The following FBN1 variants were observed in gnomAD, a reference collection of about 807,000 sequenced individuals.
FBN1 encodes fibrillin 1.
A neutral mutation model predicts 365.1 loss-of-function variants in FBN1; 29 were observed. The ratio of observed to expected loss-of-function variants is 0.08; its 90% CI spans 0.06 to 0.11. The LOEUF (loss-of-function observed/expected upper bound fraction) is 0.11. FBN1 is among the 10% of genes least tolerant of loss of function. FBN1 has a pLI of 1.00. For synonymous variants in FBN1, 1,210 were observed against 1,270.5 expected, an observed-to-expected ratio of 0.95 and a Z score of 1.01; for missense variants, 2,476 against 3,703.2, an observed-to-expected ratio of 0.67 and a Z score of 8.60.
At chr15:48,484,711 T>G (rs1239454613) in intron 30 of FBN1, among the ~76,000 whole-genome samples, 1 of 152,158 alleles carries the variant, frequency 6.6e-6, no homozygotes, top group East Asian at 1.9e-4. Flanking sequence ...ATATCTAGAT[T>G]TTTTAAGGGA....
At chr15:48,480,288 A>C (rs1349704954) in intron 32 of FBN1, among the ~76,000 whole-genome samples, 1 of 152,202 alleles carries the variant, frequency 6.6e-6, no homozygotes, top group Non-Finnish European at 1.5e-5. Flanking sequence ...AAAACATAAT[A>C]CAGAACTATC....
intron 63 of FBN1, among the ~76,000 whole-genome samples, chr15:48,418,100 G>C (rs1315633636): frequency 6.6e-6 from 1 of 152,188 alleles, no homozygotes; most frequent in Non-Finnish European, 1.5e-5. Flanking sequence ...AGAAATTAGA[G>C]GGAGGAGAAA....
chr15:48,476,308 A>G (rs2043417570), intron 32 of FBN1, among the ~76,000 whole-genome samples: 1 of 152,148 alleles, frequency 6.6e-6, no homozygotes, highest in Non-Finnish European at 1.5e-5. Flanking sequence ...TTTTGCCTAA[A>G]TTTCTCTCCT....
At chr15:48,640,774 T>C (rs1890184175) in intron 2 of FBN1, among the ~76,000 whole-genome samples, 1 of 152,212 alleles carries the variant, frequency 6.6e-6, no homozygotes, top group African/African-American at 2.4e-5. Flanking sequence ...AAAGGAGATC[T>C]CACTGTGAAG....
In FBN1 at chr15:48,469,510, C is replaced by A. The variant is rs1254146918; in HGVS notation, c.4460-976G>T. On this transcript the variant is annotated intron_variant, in intron 36 of 65. Transcript: ENST00000316623. The stretch of plus-strand genomic sequence containing the variant: ...TTGGCAAATTCCACTCTGTACAATT[C>A]CTTTTGTCTGTTTTGAACACTCATG... 2.0e-5 allele frequency among the ~76,000 whole-genome samples: 3 copies of A among 152,088 alleles called. 1 individual carries two copies. Among genetic ancestry groups the A allele is most frequent in the African/African-American group, 7.2e-5 (3 of 41,402 alleles).
Position 48,427,691 on chromosome 15 carries a change from T to C in FBN1, c.7080A>G (p.Lys2360=). The C allele has an allele frequency of 6.2e-7, 1 of 1,614,102 alleles. No individual in the cohort carries two copies. Among genetic ancestry groups the C allele is most frequent in the Non-Finnish European group, 8.5e-7 (1 of 1,179,990 alleles). ...IGSSNRNPVT[K]SECCCDGGRG... ...TCCCTCCGTCACAGCAGCATTCCGA[T>C]TTGGTGACGGGGTTCCTGTTGCTGG... The change falls in exon 58 of 66, where the codon AAA becomes AAG. Residue 2360 remains lysine, a synonymous_variant. Coordinates refer to ENST00000316623, the MANE Select transcript of FBN1 (RefSeq NM_000138.5).
intron 35 of FBN1, among the ~76,000 whole-genome samples, chr15:48,472,100 A>G (rs1415221511): frequency 6.6e-6 from 1 of 152,210 alleles, no homozygotes. Flanking sequence ...CTCTGCTTTT[A>G]TTTCTACAAA....
chr15:48,487,059 A>G lies in FBN1; in HGVS notation c.3589+16T>C. ...GTAAAATAAAATAAAATAAAATAAA[A>G]TAAAAAAGAACTTACCAACACAAAA... On this transcript the variant is annotated intron_variant, in intron 29 of 65. Transcript: ENST00000316623. 3 of 1,483,992 alleles carry G rather than the reference A, an allele frequency of 2.0e-6. No homozygotes were observed. The highest frequency in any genetic ancestry group is 1.8e-4 in the Middle Eastern group (1 of 5,446). 91.9% of individuals were successfully genotyped at this position (1,483,992 alleles called of 1,614,324 possible). A position where few individuals can be genotyped will look rare whatever the true frequency, so the allele number is the denominator to read the frequency against.
intron 6 of FBN1, among the ~76,000 whole-genome samples, chr15:48,576,128 T>G (rs1006756259): frequency 2.6e-5 from 4 of 152,246 alleles, no homozygotes; most frequent in South Asian, 4.1e-4. Flanking sequence ...GGAAAACCAA[T>G]GATTTTGAAA....
chr15:48,440,085 G>A (rs1366436315), intron 50 of FBN1, among the ~76,000 whole-genome samples: 1 of 152,186 alleles, frequency 6.6e-6, no homozygotes, highest in African/African-American at 2.4e-5. Flanking sequence ...TGATTCTCTA[G>A]AATTGGCTTA....
In FBN1 at chr15:48,446,696, G is replaced by T. The variant is rs371560107; in HGVS notation, c.5788+10C>A. The T allele has an allele frequency of 2.6e-4, 394 of 1,541,098 alleles. 4 individuals are homozygous for T. The South Asian group carries it at 3.0e-3, about 12-fold the overall frequency. Reference sequence around the variant, plus strand: ...ACTTCCTTTGCTGATGCACAATTTTGCACACGCACCTATACAGTCATTGTT... The same window carrying T: ...ACTTCCTTTGCTGATGCACAATTTTTCACACGCACCTATACAGTCATTGTT... On this transcript the variant is annotated intron_variant, in intron 47 of 65. Transcript: ENST00000316623.
At chr15:48,631,676 A>G (rs1889992458) in intron 2 of FBN1, among the ~76,000 whole-genome samples, 1 of 152,186 alleles carries the variant, frequency 6.6e-6, no homozygotes, top group Non-Finnish European at 1.5e-5. Flanking sequence ...GACATGAGCA[A>G]TCTGGAAAAG....
intron 6 of FBN1, among the ~76,000 whole-genome samples, chr15:48,582,473 C>A (rs1460727791): frequency 1.3e-5 from 2 of 152,128 alleles, no homozygotes; most frequent in African/African-American, 4.8e-5. Flanking sequence ...GCCCACAAAA[C>A]CACATGTGGT....
rs55717426 is a variant in FBN1 at position 48,410,226 on chromosome 15, C to T, written c.*764G>A. Reference sequence around the variant, plus strand: ...TGGCCACTGAGGCTGTTTCCTGGTCCTCCCAGACCTCTATGCACGTGTGGG... The same window carrying T: ...TGGCCACTGAGGCTGTTTCCTGGTCTTCCCAGACCTCTATGCACGTGTGGG... On this transcript the variant is annotated 3_prime_UTR_variant, in exon 66 of 66. Coordinates refer to ENST00000316623, the MANE Select transcript of FBN1 (RefSeq NM_000138.5). 2.6e-5 allele frequency: 4 copies of T among 152,742 alleles called. No homozygotes were observed. The East Asian group carries it at 7.7e-4, about 29-fold the overall frequency. The allele number at this position is 152,742 out of a possible 1,614,324, so 9.5% of individuals were successfully genotyped here.
intron 51 of FBN1, 75 bp from the exon 52 acceptor site, chr15:48,437,462 A>G (rs989960101): frequency 1.6e-6 from 2 of 1,275,302 alleles, no homozygotes; most frequent in Non-Finnish European, 2.3e-6. Context: ...ATTTTGAGGT[A>G]GAAAATTGCT....
chr15:48,444,916 G>T (rs955579807), intron 48 of FBN1, among the ~76,000 whole-genome samples: 11 of 38,092 alleles, frequency 2.9e-4, no homozygotes, highest in African/African-American at 1.3e-3. Context: ...CATGTGAAAA[G>T]TCAGTGAGTA....
chr15:48,530,657 T>C (rs1412049778), intron 8 of FBN1, among the ~76,000 whole-genome samples: 1 of 151,846 alleles, frequency 6.6e-6, no homozygotes, highest in African/African-American at 2.4e-5. Context: ...TGGAGCCCCA[T>C]CTATGGTAGT....
chr15:48,516,108 A>G, intron 11 of FBN1, 75 bp downstream of exon 11: 1 of 1,356,888 alleles, frequency 7.4e-7, no homozygotes, highest in Non-Finnish European at 1.0e-6. Context: ...TGACTAAAGT[A>G]GCATAAATAA....
rs1277566806 is a variant in FBN1, at chr15:48,495,227, A to G, written c.2573T>C (p.Ile858Thr). The G allele has an allele frequency of 6.2e-7, 1 of 1,614,180 alleles. No individual in the cohort carries two copies. The highest frequency in any genetic ancestry group is 1.1e-5 in the South Asian group (1 of 91,076). The change falls in exon 22 of 66, where the codon ATT becomes ACT. Residue 858 changes from isoleucine (I) to threonine (T), a missense_variant. Physicochemically the swap from Ile to Thr is moderately conservative, Grantham distance 89 (BLOSUM62 -1). Coordinates refer to ENST00000316623, the MANE Select transcript of FBN1 (RefSeq NM_000138.5). ...TIKGTCWQTV[I>T]DGRCEINING... ...GATGTTGATCTCACATCGCCCATCAATGACAGTCTGCCAGCAAGTGCCCTT... is the reference window on the plus strand; with the variant it reads ...GATGTTGATCTCACATCGCCCATCAGTGACAGTCTGCCAGCAAGTGCCCTT...
Sources: gnomAD v4.1 joint callset for allele counts (sites outside exome capture counted in the v4.1 genomes callset) on GRCh38, gnomAD v4.1.1 for gene constraint, MANE v1.5 for transcripts, NCBI Gene and HGNC (gene_info 2026-07-23, HGNC 2026-07-21) for gene names.